The following ACTR8 variants were observed in gnomAD, a reference collection of about 807,000 sequenced individuals.
ACTR8 encodes the protein actin related protein 8.
ACTR8 carries 70 observed loss-of-function variants against 84.3 expected under a neutral mutation model. That is an observed-to-expected ratio of 0.83 (90% confidence interval 0.68 to 1.01). The LOEUF is 1.01. ACTR8 is among the 50% of genes least tolerant of loss of function. The probability of loss-of-function intolerance (pLI) is 0.00; values close to 1 mark genes in which losing one functional copy is unlikely to be tolerated. For synonymous variants in ACTR8, 268 were observed against 275.2 expected, an observed-to-expected ratio of 0.97 and a Z score of 0.26; for missense variants, 672 against 775.4, an observed-to-expected ratio of 0.87 and a Z score of 1.58.
downstream of ACTR8, chr3:53,865,350 C>T: frequency 6.8e-7 from 1 of 1,478,128 alleles, no homozygotes; most frequent in East Asian, 2.3e-5. Flanking sequence ...CTTCCTATCC[C>T]ACCAATTACA....
downstream of ACTR8, chr3:53,865,091 G>T: frequency 6.2e-7 from 1 of 1,614,098 alleles, no homozygotes; most frequent in Non-Finnish European, 8.5e-7. Context: ...AACCTTTTCT[G>T]CAGTGATCTA....
chr3:53,881,842 C>A, intron 1 of ACTR8, 137 bp downstream of exon 1: 1 of 1,380,022 alleles, frequency 7.2e-7, no homozygotes, highest in Non-Finnish European at 9.7e-7. Flanking sequence ...CGGAAAAGAA[C>A]GACCGCTTCC....
At chr3:53,875,762 G>A (rs2107064825) in intron 7 of ACTR8, among the ~76,000 whole-genome samples, 186 bp downstream of exon 7, 1 of 152,350 alleles carries the variant, frequency 6.6e-6, no homozygotes, top group South Asian at 2.1e-4. Flanking sequence ...AATGGGAAGG[G>A]TAAAATGATT....
At position 53,878,406 on chromosome 3, in the gene ACTR8, G is replaced by GACCATATTGCTTGATCC; in HGVS notation, c.339_355dup (p.Ser119TrpfsTer36). ...TCTTGTACCATTGGACATCTTTTTA[G>GACCATATTGCTTGATCC]ACCATATTGCTTGATCCACCATTTT... On this transcript the variant is annotated frameshift_variant, in exon 3 of 13. Coordinates refer to ENST00000335754, the MANE Select transcript of ACTR8 (RefSeq NM_022899.5). LOFTEE classifies it high-confidence loss of function. The GACCATATTGCTTGATCC allele has an allele frequency of 6.2e-7, 1 of 1,613,404 alleles. No individual in the cohort carries two copies. Among genetic ancestry groups the GACCATATTGCTTGATCC allele is most frequent in the South Asian group, 1.1e-5 (1 of 90,812 alleles).
In ACTR8 at chr3:53,878,457, C is replaced by G; in HGVS notation, c.305G>C (p.Ser102Thr). Reference sequence around the variant, plus strand: ...AAGGCCATTTTGTCTTTGTTCATTACTTTCTGGTTTCTGGGGAAAAAATGA... The same window carrying G: ...AAGGCCATTTTGTCTTTGTTCATTAGTTTCTGGTTTCTGGGGAAAAAATGA... ...LLREGLNKPE[S>T]NEQRQNGLKM... Residue 102 changes from serine to threonine, a missense_variant, in exon 3 of 13, where the codon AGT (serine) becomes ACT (threonine). Coordinates refer to ENST00000335754, the MANE Select transcript of ACTR8 (RefSeq NM_022899.5). 2 of 1,609,176 alleles carry G rather than the reference C, an allele frequency of 1.2e-6. No homozygotes were observed. The highest frequency in any genetic ancestry group is 1.7e-6 in the Non-Finnish European group (2 of 1,177,304).
chr3:53,878,310 A>G, intron 3 of ACTR8, 47 bp downstream of exon 3: 1 of 1,330,340 alleles, frequency 7.5e-7, no homozygotes, highest in South Asian at 1.2e-5. Context: ...TGGTATTATG[A>G]TACCAATAGT....
chr3:53,872,271 T>C, intron 10 of ACTR8, 113 bp downstream of exon 10: 2 of 1,172,708 alleles, frequency 1.7e-6, no homozygotes, highest in Non-Finnish European at 2.3e-6. Flanking sequence ...CTAAAAGCTA[T>C]ATCAGTGTTA....
chr3:53,874,158 C>G, intron 8 of ACTR8, 53 bp downstream of exon 8: 2 of 1,561,504 alleles, frequency 1.3e-6, no homozygotes, highest in Non-Finnish European at 1.7e-6. Context: ...TTTTAAATCT[C>G]TTAAATTTTT....
Position 53,877,199 on chromosome 3 carries a change from A to G in ACTR8, c.684+15T>C. ...ATCTTAAAAACAATCCAAATAACTGAGGATTTTAGCTCACCTTTAAATCTT... is the reference window on the plus strand; with the variant it reads ...ATCTTAAAAACAATCCAAATAACTGGGGATTTTAGCTCACCTTTAAATCTT... On this transcript the variant is annotated intron_variant, in intron 5 of 12. Transcript: ENST00000335754. The G allele has an allele frequency of 8.9e-6, 14 of 1,579,830 alleles. No individual in the cohort carries two copies. The highest frequency in any genetic ancestry group is 1.2e-5 in the Non-Finnish European group (14 of 1,165,060).
At position 53,877,232 on chromosome 3, in the gene ACTR8, G is replaced by A. The variant is rs1418418627; in HGVS notation, c.666C>T (p.Ile222=). ...WSHAIQKYLE[I]PLKDLKYYRC... is the part of the protein sequence containing the mutation. The stretch of plus-strand genomic sequence containing the variant: ...AGCTCACCTTTAAATCTTTCAGTGG[G>A]ATTTCCAAGTATTTTTGTATCGCAT... The change falls in exon 5 of 13, where the codon ATC becomes ATT. Residue 222 remains isoleucine (I), a synonymous_variant. Transcript: ENST00000335754. 1 of 1,602,374 alleles carries A rather than the reference G, an allele frequency of 6.2e-7. No individual in the cohort carries two copies. Among genetic ancestry groups the A allele is most frequent in the African/African-American group, 1.3e-5 (1 of 74,320 alleles).
At chr3:53,862,896 A>C (rs1265439510), downstream of ACTR8, among the ~76,000 whole-genome samples, 1 of 152,160 alleles carries the variant, frequency 6.6e-6, no homozygotes, top group Non-Finnish European at 1.5e-5. Flanking sequence ...CTTTCTGTAA[A>C]GTTACACTGA....
chr3:53,877,854 T>C (rs1438015227), intron 3 of ACTR8, 103 bp from the exon 4 acceptor site: 1 of 893,518 alleles, frequency 1.1e-6, no homozygotes, highest in African/African-American at 1.7e-5. Flanking sequence ...CATTGGCAAA[T>C]TTTAATCACA....
rs149277218 is a variant in ACTR8, at chr3:53,867,851, T to A, written c.*868A>T. The A allele has an allele frequency of 4.2e-4, 64 of 152,304 alleles. No individual in the cohort carries two copies. Among genetic ancestry groups the A allele is most frequent in the African/African-American group, 1.5e-3 (61 of 41,552 alleles). 9.4% of individuals were successfully genotyped at this position (152,304 alleles called of 1,614,324 possible). ...ACTGATCATACTGAACATCATGAAC[T>A]CCAAAAGCTTTCACTTAATCCTTCA... is the stretch of plus-strand genomic sequence containing the variant. On this transcript the variant is annotated 3_prime_UTR_variant, in exon 13 of 13. Coordinates refer to ENST00000335754, the MANE Select transcript of ACTR8 (RefSeq NM_022899.5).
At chr3:53,866,487 A>AT (rs549654602), downstream of ACTR8, among the ~76,000 whole-genome samples, 1,139 of 148,262 alleles carry the variant, frequency 7.7e-3, 46 homozygotes, top group East Asian at 0.11. Context: ...AATTTTTTAA[A>AT]TTTTTTTTTT....
intron 7 of ACTR8, 79 bp downstream of exon 7, chr3:53,875,869 C>T (rs1699956994): frequency 6.4e-7 from 1 of 1,555,532 alleles, no homozygotes; most frequent in South Asian, 1.2e-5. Context: ...AATTTTTAAC[C>T]TGTGATTTCT....
rs1324211260 is a variant in ACTR8, at chr3:53,867,715, C to A, written c.*1004G>T. The A allele has an allele frequency of 1.3e-5, 2 of 152,214 alleles. No homozygotes were observed. Among genetic ancestry groups the A allele is most frequent in the East Asian group, 3.8e-4 (2 of 5,198 alleles). 9.4% of individuals were successfully genotyped at this position (152,214 alleles called of 1,614,324 possible). A position where few individuals can be genotyped will look rare whatever the true frequency, so the allele number is the denominator to read the frequency against. On this transcript the variant is annotated 3_prime_UTR_variant, in exon 13 of 13. Transcript: ENST00000335754. ...CCCAGACTGTGTTCCTACCTCTGGA[C>A]AATGCTTTCTCTTCCTCCTGGGCTC...
chr3:53,880,322 C>T (rs1700039693), intron 1 of ACTR8, among the ~76,000 whole-genome samples: 1 of 152,170 alleles, frequency 6.6e-6, no homozygotes. Context: ...TAGTACATAG[C>T]TCAACAAATA....
At chr3:53,865,313 C>T (rs976443123), downstream of ACTR8, 3 of 1,596,410 alleles carry the variant, frequency 1.9e-6, no homozygotes, top group African/African-American at 1.3e-5. Flanking sequence ...TTGTAGCCCA[C>T]CCATGAGAAG....
At chr3:53,871,197 C>A in intron 11 of ACTR8, 35 bp downstream of exon 11, 1 of 1,594,860 alleles carries the variant, frequency 6.3e-7, no homozygotes, top group South Asian at 1.1e-5. Flanking sequence ...TATCTTGTTT[C>A]ACTGCTATCT....
Sources: allele counts gnomAD v4.1 joint callset (sites outside exome capture counted in the v4.1 genomes callset), GRCh38; gene constraint gnomAD v4.1.1; transcripts MANE v1.5; gene names NCBI Gene and HGNC (gene_info 2026-07-23, HGNC 2026-07-21).